Variants in FSTL5 observed in about 807,000 individuals in gnomAD.
FSTL5 encodes follistatin-related protein 5.
Under a neutral mutation model 89.1 loss-of-function variants are expected in FSTL5, and 62 were observed. The ratio of observed to expected loss-of-function variants is 0.70; its 90% CI spans 0.57 to 0.86. FSTL5 has a LOEUF of 0.86. FSTL5 is among the 40% of genes least tolerant of loss of function. FSTL5 has a pLI of 0.00. For synonymous variants in FSTL5, 383 were observed against 346.2 expected, an observed-to-expected ratio of 1.11 and a Z score of -1.18; for missense variants, 1,057 against 1,001.6, an observed-to-expected ratio of 1.06 and a Z score of -0.75.
intron 2 of FSTL5, among the ~76,000 whole-genome samples, chr4:162,108,440 A>T (rs1731310692): frequency 6.6e-6 from 1 of 152,058 alleles, no homozygotes; most frequent in Admixed American, 6.6e-5. Flanking sequence ...TTCAGATTCA[A>T]AGTACTTACA....
In FSTL5 at chr4:162,141,106, C is replaced by CT. The variant is rs3032092; in HGVS notation, c.-17+22508dup. ...AGTGTGGCACCTCCCTCCCTTCTCTCTTTTTTTTTTTTTTTTTTTTTTTTT... is the reference window on the plus strand; with the variant it reads ...AGTGTGGCACCTCCCTCCCTTCTCTCTTTTTTTTTTTTTTTTTTTTTTTTTT... On this transcript the variant is annotated intron_variant, in intron 1 of 15. Transcript: ENST00000306100. Among the ~76,000 whole-genome samples, 373 of 44,010 alleles carry CT rather than the reference C, an allele frequency of 8.5e-3. 51 individuals are homozygous for CT. The highest frequency in any genetic ancestry group is 0.019 in the African/African-American group (210 of 11,260). The allele number at this position is 44,010 out of a possible 152,430, so 28.9% of individuals were successfully genotyped here.
chr4:161,694,473 T>C (rs1310488103), intron 6 of FSTL5, among the ~76,000 whole-genome samples: 1 of 152,116 alleles, frequency 6.6e-6, no homozygotes, highest in Non-Finnish European at 1.5e-5. Context: ...TTTCTGTTTG[T>C]TATTGATATT....
chr4:162,041,389 G>A (rs1008392043), intron 2 of FSTL5, among the ~76,000 whole-genome samples: 7 of 152,084 alleles, frequency 4.6e-5, no homozygotes, highest in African/African-American at 1.7e-4. Flanking sequence ...ATAAGGTTGG[G>A]CAAGTAGTAT....
At position 161,393,778 on chromosome 4, in the gene FSTL5, T is replaced by A. The variant is rs907268883; in HGVS notation, c.1842-7329A>T. On this transcript the variant is annotated intron_variant, in intron 15 of 15. Coordinates refer to ENST00000306100, the MANE Select transcript of FSTL5 (RefSeq NM_020116.5). ...GAGCTATTTGCAAATGTATGCTTCC[T>A]GAGGAGCTGTGAATTCTGATCTGAG... 3.3e-5 allele frequency among the ~76,000 whole-genome samples: 5 copies of A among 152,280 alleles called. No individual in the cohort carries two copies. The South Asian group carries it at 8.3e-4, about 25-fold the overall frequency.
At chr4:161,509,205 A>C (rs559721387) in intron 11 of FSTL5, among the ~76,000 whole-genome samples, 20 of 152,272 alleles carry the variant, frequency 1.3e-4, no homozygotes, top group Non-Finnish European at 7.4e-5. Context: ...CGGGAGGCTA[A>C]GGCAGGAGAA....
At chr4:161,885,930 G>A (rs1732793552) in intron 4 of FSTL5, among the ~76,000 whole-genome samples, 1 of 151,884 alleles carries the variant, frequency 6.6e-6, no homozygotes, top group African/African-American at 2.4e-5. Flanking sequence ...TTACTGAAAG[G>A]AATTAAAAAT....
intron 8 of FSTL5, among the ~76,000 whole-genome samples, chr4:161,559,691 T>C (rs1312068172): frequency 6.6e-6 from 1 of 151,956 alleles, no homozygotes; most frequent in Non-Finnish European, 1.5e-5. Context: ...TGTATAAACT[T>C]ATAAATATAA....
intron 2 of FSTL5, among the ~76,000 whole-genome samples, chr4:162,067,933 T>G (rs1203774832): frequency 6.6e-6 from 1 of 151,956 alleles, no homozygotes; most frequent in African/African-American, 2.4e-5. Flanking sequence ...AAATCACGAA[T>G]GAACTCCAAT....
chr4:161,602,616 G>A (rs118044266), intron 7 of FSTL5, among the ~76,000 whole-genome samples: 1 of 152,050 alleles, frequency 6.6e-6, no homozygotes, highest in African/African-American at 2.4e-5. Flanking sequence ...CAAAGATAAA[G>A]AGAAATGTTT....
intron 3 of FSTL5, among the ~76,000 whole-genome samples, chr4:161,980,051 GAAAGAGAA>G (rs893114320): frequency 7.3e-5 from 10 of 136,508 alleles, no homozygotes; most frequent in South Asian, 6.9e-4. Flanking sequence ...ATGAAGGAAA[GAAAGAGAA>G]AAAGAGAAAG....
At chr4:162,107,202 G>A (rs759382439) in intron 2 of FSTL5, among the ~76,000 whole-genome samples, 34 of 152,260 alleles carry the variant, frequency 2.2e-4, no homozygotes, top group African/African-American at 5.3e-4. Flanking sequence ...TTTAGACTGC[G>A]TATCTCCAAA....
intron 7 of FSTL5, among the ~76,000 whole-genome samples, chr4:161,654,044 A>G (rs1044759091): frequency 6.6e-6 from 1 of 152,098 alleles, no homozygotes; most frequent in African/African-American, 2.4e-5. Context: ...TTATCCAATA[A>G]AGTGTATTTG....
chr4:162,004,648 G>T (rs761144215), intron 3 of FSTL5, among the ~76,000 whole-genome samples: 20 of 152,080 alleles, frequency 1.3e-4, no homozygotes, highest in Non-Finnish European at 2.8e-4. Flanking sequence ...ACACATCTTT[G>T]CTTTCTTTCC....
chr4:161,483,664 T>G (rs755462469), intron 12 of FSTL5, among the ~76,000 whole-genome samples: 65 of 152,184 alleles, frequency 4.3e-4, no homozygotes, highest in Non-Finnish European at 8.7e-4. Context: ...CACTCTTTTA[T>G]TTTCTCAGAT....
chr4:161,977,643 AAT>A (rs1230998554), intron 3 of FSTL5, among the ~76,000 whole-genome samples: 8 of 137,602 alleles, frequency 5.8e-5, no homozygotes, highest in African/African-American at 2.3e-4. Context: ...AAAAAAAAAT[AAT>A]AATAATAATA....
intron 12 of FSTL5, chr4:161,495,522 T>A (rs996076079): frequency 6.6e-6 from 1 of 152,132 alleles, no homozygotes; most frequent in African/African-American, 2.4e-5. Flanking sequence ...TAAAGCTACA[T>A]AACAAGATGG....
intron 3 of FSTL5, among the ~76,000 whole-genome samples, chr4:161,948,313 GA>G (rs1734793234): frequency 7.0e-6 from 1 of 142,640 alleles, no homozygotes; most frequent in Non-Finnish European, 1.5e-5. Context: ...AAAAAAAACT[GA>G]AAAAGAGTGA....
intron 7 of FSTL5, among the ~76,000 whole-genome samples, chr4:161,600,158 A>AACAC (rs71598717): frequency 0.059 from 8,316 of 141,934 alleles, 369 homozygotes; most frequent in African/African-American, 0.12. Context: ...AATGTCAATA[A>AACAC]ACACACACAC....
intron 2 of FSTL5, among the ~76,000 whole-genome samples, chr4:162,104,501 G>A (rs1258113102): frequency 6.6e-6 from 1 of 152,172 alleles, no homozygotes; most frequent in East Asian, 1.9e-4. Flanking sequence ...TAAAGAGAAT[G>A]TTTTTCTCTG....
Sources: allele counts gnomAD v4.1 joint callset (sites outside exome capture counted in the v4.1 genomes callset), GRCh38; gene constraint gnomAD v4.1.1; transcripts MANE v1.5; gene names NCBI Gene and HGNC (gene_info 2026-07-23, HGNC 2026-07-21).